Variants in FBXL4 observed in about 807,000 individuals in gnomAD.
FBXL4 encodes F-box and leucine rich repeat protein 4.
Under a neutral mutation model 58.9 loss-of-function variants are expected in FBXL4, and 40 were observed. The ratio of observed to expected loss-of-function variants is 0.68; its 90% CI spans 0.53 to 0.88. The LOEUF is 0.88. Among genes scored for constraint, FBXL4 ranks in the 40% least tolerant of loss-of-function variants. The pLI is 0.00. For missense variants in FBXL4, 676 were observed against 734.4 expected (o/e 0.92, Z 0.92); for synonymous variants, 263 against 265.5 (o/e 0.99, Z 0.09).
chr6:98,901,308 G>A (rs1771602161), intron 6 of FBXL4, among the ~76,000 whole-genome samples: 1 of 152,084 alleles, frequency 6.6e-6, no homozygotes, highest in African/African-American at 2.4e-5. Flanking sequence ...TCTAGGCAAA[G>A]GGAAGGGCAG....
Position 98,892,210 on chromosome 6 carries a change from A to G in FBXL4, c.1317+7058T>C, listed in dbSNP as rs77921636. Among the ~76,000 whole-genome samples the G allele has an allele frequency of 4.6e-5, 7 of 152,348 alleles. No individual in the cohort carries two copies. In the East Asian group the frequency reaches 1.3e-3, roughly 29 times the overall value. On this transcript the variant is annotated intron_variant, in intron 7 of 9. Coordinates refer to ENST00000369244, the MANE Select transcript of FBXL4 (RefSeq NM_001278716.2). ...GTTTAAGAACAAAGTAATTACTAAT[A>G]TCTTTCTGTTTTACATATTATCTAG...
At chr6:98,892,477 T>A (rs1457858711) in intron 7 of FBXL4, among the ~76,000 whole-genome samples, 1 of 152,250 alleles carries the variant, frequency 6.6e-6, no homozygotes, top group African/African-American at 2.4e-5. Context: ...ATCCCTGCTC[T>A]ACTTACCAAA....
In FBXL4 at chr6:98,871,845, A is replaced by G. The variant is rs1274531233; in HGVS notation, c.*2433T>C. 6.6e-6 allele frequency: 1 copy of G among 152,176 alleles called. No individual in the cohort carries two copies. Among genetic ancestry groups the G allele is most frequent in the Non-Finnish European group, 1.5e-5 (1 of 68,024 alleles). 9.4% of individuals were successfully genotyped at this position (152,176 alleles called of 1,614,324 possible). On this transcript the variant is annotated 3_prime_UTR_variant, in exon 10 of 10. Coordinates refer to ENST00000369244, the MANE Select transcript of FBXL4 (RefSeq NM_001278716.2). ...GCATAATAGTGTTAGTTCTATTGTG[A>G]GCTTTTGCGTTCAGGGCTGATATTG...
chr6:98,894,642 T>C (rs3823035), intron 7 of FBXL4, among the ~76,000 whole-genome samples: 24,186 of 152,146 alleles, frequency 0.16, 2,313 homozygotes, highest in East Asian at 0.47. Flanking sequence ...TACCCGTCCA[T>C]TCTGTCTTTT....
chr6:98,872,916 G>A lies in FBXL4; in HGVS notation c.*1362C>T, dbSNP rs192267297. The A allele has an allele frequency of 6.6e-6, 1 of 152,116 alleles. No homozygotes were observed. Among genetic ancestry groups the A allele is most frequent in the South Asian group, 2.1e-4 (1 of 4,830 alleles). The allele number at this position is 152,116 out of a possible 1,614,324, so 9.4% of individuals were successfully genotyped here. A position where few individuals can be genotyped will look rare whatever the true frequency, so the allele number is the denominator to read the frequency against. ...GGCATTTATCTTACAGGGTTGTTGTGAGAATTGAATTAGTCAATGCAAAGC... is the reference window on the plus strand; with the variant it reads ...GGCATTTATCTTACAGGGTTGTTGTAAGAATTGAATTAGTCAATGCAAAGC... On this transcript the variant is annotated 3_prime_UTR_variant, in exon 10 of 10. Coordinates refer to ENST00000369244, the MANE Select transcript of FBXL4 (RefSeq NM_001278716.2).
At chr6:98,912,019 C>T (rs9492742) in intron 5 of FBXL4, among the ~76,000 whole-genome samples, 2,652 of 152,134 alleles carry the variant, frequency 0.017, 72 homozygotes, top group African/African-American at 0.061. Flanking sequence ...TCAAGAACTA[C>T]GTGAAGAATG....
At chr6:98,932,854 T>C (rs944255708) in intron 2 of FBXL4, among the ~76,000 whole-genome samples, 14 of 149,216 alleles carry the variant, frequency 9.4e-5, no homozygotes, top group Non-Finnish European at 1.8e-4. Flanking sequence ...CAAGGCAAAT[T>C]GTAACACAAT....
intron 4 of FBXL4, among the ~76,000 whole-genome samples, chr6:98,918,043 C>T (rs1284893448): frequency 6.6e-6 from 1 of 152,130 alleles, no homozygotes; most frequent in African/African-American, 2.4e-5. Context: ...ATAAAACACA[C>T]AAAGATGAAG....
At chr6:98,933,845 C>T (rs756672277) in intron 2 of FBXL4, among the ~76,000 whole-genome samples, 9 of 152,128 alleles carry the variant, frequency 5.9e-5, no homozygotes, top group Non-Finnish European at 1.2e-4. Flanking sequence ...AAACCAGCAA[C>T]TCTTCCTAAG....
intron 1 of FBXL4, among the ~76,000 whole-genome samples, chr6:98,937,011 T>TA (rs75647171): frequency 0.02 from 3,102 of 152,168 alleles, 174 homozygotes; most frequent in East Asian, 0.19. Flanking sequence ...CCCTATGCAG[T>TA]AAAAAAATCT....
rs146942546 is a variant in FBXL4 at position 98,900,998 on chromosome 6, C to T, written c.1104-1517G>A. Among the ~76,000 whole-genome samples the T allele has an allele frequency of 1.9e-3, 295 of 152,238 alleles. 1 individual carries two copies. Among genetic ancestry groups the T allele is most frequent in the African/African-American group, 6.8e-3 (283 of 41,552 alleles). On this transcript the variant is annotated intron_variant, in intron 6 of 9. Coordinates refer to ENST00000369244, the MANE Select transcript of FBXL4 (RefSeq NM_001278716.2). ...TTCATTCATTCATTCAACAAATATG[C>T]CCTGAGCTTCTACTATCATCCAGGC...
chr6:98,899,112 C>T lies in FBXL4; in HGVS notation c.1317+156G>A, dbSNP rs573829110. 5 of 985,314 alleles carry T rather than the reference C, an allele frequency of 5.1e-6. No individual in the cohort carries two copies. In the South Asian group the frequency reaches 2.3e-4, roughly 46 times the overall value. 61.0% of individuals were successfully genotyped at this position (985,314 alleles called of 1,614,324 possible). A position where few individuals can be genotyped will look rare whatever the true frequency, so the allele number is the denominator to read the frequency against. On this transcript the variant is annotated intron_variant, in intron 7 of 9. Transcript: ENST00000369244. Reference sequence around the variant, plus strand: ...GCATATTAGGTTTGAAATAACTTCACAATGACTGAATCAGCTCTATTGATT... The same window carrying T: ...GCATATTAGGTTTGAAATAACTTCATAATGACTGAATCAGCTCTATTGATT...
chr6:98,891,053 G>C (rs1771208803), intron 7 of FBXL4, among the ~76,000 whole-genome samples: 1 of 152,110 alleles, frequency 6.6e-6, no homozygotes, highest in South Asian at 2.1e-4. Flanking sequence ...GATTTGCTAT[G>C]AACCATCTAT....
At chr6:98,878,568 C>A (rs1770736205) in intron 8 of FBXL4, among the ~76,000 whole-genome samples, 1 of 151,934 alleles carries the variant, frequency 6.6e-6, no homozygotes, top group South Asian at 2.1e-4. Context: ...AATTGATTAT[C>A]CTTTAGAGGT....
At chr6:98,891,675 A>C (rs1360017199) in intron 7 of FBXL4, among the ~76,000 whole-genome samples, 1 of 150,664 alleles carries the variant, frequency 6.6e-6, no homozygotes, top group East Asian at 2.0e-4. Context: ...ACTTGAGCCC[A>C]GGAGGTTGAG....
intron 8 of FBXL4, among the ~76,000 whole-genome samples, chr6:98,879,632 C>T (rs972761302): frequency 2.6e-5 from 4 of 152,048 alleles, no homozygotes; most frequent in Admixed American, 2.6e-4. Flanking sequence ...CCTGTAATCC[C>T]GGCAATTTGG....
At position 98,938,044 on chromosome 6, in the gene FBXL4, T is replaced by C. The variant is rs901491349; in HGVS notation, c.-308-3165A>G. ...TTCATCCTCCTCCCCCTGCACCCTT[T>C]TTTTTTTTTTTTTTTGCCCTATCTA... On this transcript the variant is annotated intron_variant, in intron 1 of 9. Transcript: ENST00000369244. Among the ~76,000 whole-genome samples the C allele has an allele frequency of 4.2e-5, 4 of 96,020 alleles. No homozygotes were observed. In the South Asian group the frequency reaches 1.2e-3, roughly 29 times the overall value. 63.0% of individuals were successfully genotyped at this position (96,020 alleles called of 152,430 possible).
At chr6:98,911,123 G>T (rs572139391) in intron 5 of FBXL4, among the ~76,000 whole-genome samples, 12 of 152,330 alleles carry the variant, frequency 7.9e-5, no homozygotes, top group African/African-American at 2.6e-4. Context: ...GCCTGGATGG[G>T]GGAGGGGCGC....
rs2128406356 is a variant in FBXL4, at chr6:98,927,839, T to A, written c.-190-17A>T. ...TTCTTTTACCTGTAAGAAAAGAGTT[T>A]TGGAAAATATTTTTATGTCCAAGTC... On this transcript the variant is annotated splice_polypyrimidine_tract_variant and intron_variant, in intron 2 of 9. Transcript: ENST00000369244. 6.6e-6 allele frequency: 1 copy of A among 152,336 alleles called. No homozygotes were observed. Among genetic ancestry groups the A allele is most frequent in the Non-Finnish European group, 1.5e-5 (1 of 68,034 alleles). The allele number at this position is 152,336 out of a possible 1,614,324, so 9.4% of individuals were successfully genotyped here.
Sources: allele counts gnomAD v4.1 joint callset (sites outside exome capture counted in the v4.1 genomes callset), GRCh38; gene constraint gnomAD v4.1.1; transcripts MANE v1.5; gene names NCBI Gene and HGNC (gene_info 2026-07-23, HGNC 2026-07-21).